YWHAE: variants seen among roughly 807,000 people sequenced by gnomAD.
YWHAE encodes tyrosine 3-monooxygenase/tryptophan 5-monooxygenase activation protein epsilon.
Under a neutral mutation model 30.1 loss-of-function variants are expected in YWHAE, and 4 were observed. The observed-to-expected ratio is 0.13, with a 90% CI of 0.07 to 0.30. YWHAE has a LOEUF of 0.30. Among genes scored for constraint, YWHAE ranks in the 10% least tolerant of loss-of-function variants. The pLI is 1.00. For missense variants in YWHAE, 121 were observed against 315.9 expected (o/e 0.38, Z 4.68); for synonymous variants, 118 against 111.8 (o/e 1.06, Z -0.35).
At chr17:1,384,769 T>C (rs2073274991) in intron 1 of YWHAE, among the ~76,000 whole-genome samples, 1 of 151,944 alleles carries the variant, frequency 6.6e-6, no homozygotes, top group African/African-American at 2.4e-5. Context: ...GCAATGGCGC[T>C]ATCTCGGCTC....
chr17:1,370,781 G>C (rs775327232), intron 1 of YWHAE, among the ~76,000 whole-genome samples: 2 of 151,952 alleles, frequency 1.3e-5, no homozygotes, highest in Non-Finnish European at 2.9e-5. Context: ...CAGATCACGA[G>C]GTCAGGAGAT....
At chr17:1,395,662 G>A (rs1413017109) in intron 1 of YWHAE, among the ~76,000 whole-genome samples, 3 of 152,206 alleles carry the variant, frequency 2.0e-5, no homozygotes, top group Non-Finnish European at 2.9e-5. Context: ...AGAACTGGTA[G>A]TTAATCTAAA....
At chr17:1,361,025 C>G in intron 4 of YWHAE, 67 bp downstream of exon 4, 1 of 1,465,168 alleles carries the variant, frequency 6.8e-7, no homozygotes, top group Non-Finnish European at 9.5e-7. Context: ...AGAAACAACA[C>G]GGAAAACCCA....
chr17:1,344,532 C>G lies in YWHAE; in HGVS notation c.*915G>C, dbSNP rs540240223. 6 of 205,764 alleles carry G rather than the reference C, an allele frequency of 2.9e-5. No individual in the cohort carries two copies. In the East Asian group the frequency reaches 4.4e-4, roughly 15 times the overall value. 12.7% of individuals were successfully genotyped at this position (205,764 alleles called of 1,614,324 possible). A position where few individuals can be genotyped will look rare whatever the true frequency, so the allele number is the denominator to read the frequency against. On this transcript the variant is annotated 3_prime_UTR_variant, in exon 6 of 6. Coordinates refer to ENST00000264335, the MANE Select transcript of YWHAE (RefSeq NM_006761.5). ...ATTTTAGAAGTATAAAGGATGGAGG[C>G]GCGATATTTGGCATTTTTAATTTAG...
chr17:1,387,924 C>CTTTTTTTT (rs35930155), intron 1 of YWHAE, among the ~76,000 whole-genome samples: 1 of 75,714 alleles, frequency 1.3e-5, no homozygotes, highest in Non-Finnish European at 2.3e-5. Flanking sequence ...CTGCACCTGG[C>CTTTTTTTT]TTTTTTTTTT....
chr17:1,358,117 A>T (rs1487346833), intron 4 of YWHAE, among the ~76,000 whole-genome samples: 1 of 152,166 alleles, frequency 6.6e-6, no homozygotes, highest in Non-Finnish European at 1.5e-5. Context: ...GGCCTGGTGC[A>T]GTGGCTCAGG....
At chr17:1,355,128 A>C (rs1419559711) in intron 4 of YWHAE, among the ~76,000 whole-genome samples, 115 of 97,474 alleles carry the variant, frequency 1.2e-3, no homozygotes, top group African/African-American at 2.1e-3. Flanking sequence ...AAAAAAAAAA[A>C]AAAAAAAAAA....
intron 1 of YWHAE, among the ~76,000 whole-genome samples, chr17:1,368,379 A>G (rs935454188): frequency 5.9e-5 from 9 of 151,714 alleles, no homozygotes; most frequent in African/African-American, 2.2e-4. Flanking sequence ...TCCATCTCAA[A>G]AAAAGGAAAA....
chr17:1,385,249 T>C (rs2073283433), intron 1 of YWHAE, among the ~76,000 whole-genome samples: 1 of 151,120 alleles, frequency 6.6e-6, no homozygotes, highest in East Asian at 1.9e-4. Context: ...AGCAATAAGA[T>C]AAAGGCATTA....
intron 1 of YWHAE, 54 bp from the exon 2 acceptor site, chr17:1,365,112 A>G: frequency 6.4e-7 from 1 of 1,552,624 alleles, no homozygotes; most frequent in South Asian, 1.2e-5. Flanking sequence ...TTCTTAACAT[A>G]TTCCTTTCAA....
intron 4 of YWHAE, among the ~76,000 whole-genome samples, chr17:1,356,774 G>A (rs2072750776): frequency 6.9e-6 from 1 of 144,596 alleles, no homozygotes; most frequent in Admixed American, 7.0e-5. Flanking sequence ...GCCTGACCAA[G>A]ATGGTGAAAA....
intron 4 of YWHAE, among the ~76,000 whole-genome samples, chr17:1,359,819 T>C (rs1053296964): frequency 2.5e-3 from 144 of 56,604 alleles, no homozygotes; most frequent in African/African-American, 6.6e-3. Context: ...TTGTTGTGTG[T>C]GTGTGTGTGT....
chr17:1,391,666 G>T (rs577140394), intron 1 of YWHAE, among the ~76,000 whole-genome samples: 39 of 152,190 alleles, frequency 2.6e-4, no homozygotes, highest in Middle Eastern at 3.4e-3. Flanking sequence ...CGTCAATTTG[G>T]ATATATCAAT....
intron 5 of YWHAE, among the ~76,000 whole-genome samples, chr17:1,350,011 G>A (rs985311328): frequency 1.3e-4 from 19 of 149,114 alleles, no homozygotes; most frequent in African/African-American, 4.0e-4. Context: ...GGAGTGCAAC[G>A]GCGCGATCTC....
Position 1,371,276 on chromosome 17 carries a change from G to A in YWHAE, c.65-6218C>T, listed in dbSNP as rs139119408. On this transcript the variant is annotated intron_variant, in intron 1 of 5. Transcript: ENST00000264335. ...TTTTATTATTTTTTTGTAAAGACAG[G>A]GTTTTGCCATGTTCCTCAGGCTGGT... 5.8e-4 allele frequency among the ~76,000 whole-genome samples: 88 copies of A among 152,120 alleles called. 1 individual carries two copies. In the East Asian group the frequency reaches 0.016, roughly 28 times the overall value.
chr17:1,393,034 T>C (rs2073411859), intron 1 of YWHAE, among the ~76,000 whole-genome samples: 1 of 151,484 alleles, frequency 6.6e-6, no homozygotes, highest in East Asian at 1.9e-4. Context: ...TGAAACCCCA[T>C]CTCTACTAAA....
Position 1,345,466 on chromosome 17 carries a change from A to G in YWHAE, c.749T>C (p.Val250Ala). The G allele has an allele frequency of 6.2e-7, 1 of 1,613,850 alleles. No individual in the cohort carries two copies. The highest frequency in any genetic ancestry group is 8.5e-7 in the Non-Finnish European group (1 of 1,179,848). Residue 250 changes from valine to alanine, a missense_variant, in exon 6 of 6, where the codon GTG (valine) becomes GCG (alanine). Physicochemically the swap from Val to Ala is moderately conservative, Grantham distance 64. Coordinates refer to ENST00000264335, the MANE Select transcript of YWHAE (RefSeq NM_006761.5). ...EEQNKEALQDVEDENQ is the reference protein window; with the variant it reads ...EEQNKEALQDAEDENQ ...TATGTCTCACTGATTTTCGTCTTCC[A>G]CGTCCTGCAGCGCTTCTTTATTCTG...
At chr17:1,362,995 C>A (rs1306132086) in intron 2 of YWHAE, among the ~76,000 whole-genome samples, 1 of 152,122 alleles carries the variant, frequency 6.6e-6, no homozygotes, top group Admixed American at 6.5e-5. Context: ...GATCTCTACA[C>A]CCTTCTCCCA....
chr17:1,388,029 G>C (rs12946589), intron 1 of YWHAE, among the ~76,000 whole-genome samples: 3,168 of 142,318 alleles, frequency 0.022, 38 homozygotes, highest in Middle Eastern at 0.044. Context: ...GGGTTCAAGT[G>C]ATTCTCCTGC....
Sources: gnomAD v4.1 joint callset for allele counts (sites outside exome capture counted in the v4.1 genomes callset) on GRCh38, gnomAD v4.1.1 for gene constraint, MANE v1.5 for transcripts, NCBI Gene and HGNC (gene_info 2026-07-23, HGNC 2026-07-21) for gene names.